NOL4: variants seen among roughly 807,000 people sequenced by gnomAD.
NOL4 encodes the protein nucleolar protein 4, also known as cancer/testis antigen 125.
NOL4 carries 17 observed loss-of-function variants against 75.9 expected under a neutral mutation model. The observed-to-expected ratio is 0.22, with a 90% confidence interval of 0.15 to 0.34. NOL4 has a LOEUF of 0.34. NOL4 is among the 10% of genes least tolerant of loss of function. The pLI, the probability that NOL4 is intolerant of heterozygous loss-of-function variation, is 1.00. For missense variants in NOL4, 614 were observed against 793.5 expected, an observed-to-expected ratio of 0.77 and a Z score of 2.72; for synonymous variants, 292 against 289.9, an observed-to-expected ratio of 1.01 and a Z score of -0.07.
intron 1 of NOL4, among the ~76,000 whole-genome samples, chr18:34,177,945 A>G (rs9952846): frequency 0.013 from 2,029 of 151,994 alleles, 53 homozygotes; most frequent in African/African-American, 0.047. Flanking sequence ...GGGTAACCAC[A>G]CAGATAAGTA....
intron 9 of NOL4, among the ~76,000 whole-genome samples, chr18:33,914,932 C>T (rs1437838158): frequency 6.6e-6 from 1 of 151,990 alleles, no homozygotes; most frequent in Non-Finnish European, 1.5e-5. Flanking sequence ...TGTGAGTCAT[C>T]ACATTACAGA....
chr18:33,967,443 T>C (rs1371359577), intron 6 of NOL4, among the ~76,000 whole-genome samples: 1 of 152,008 alleles, frequency 6.6e-6, no homozygotes, highest in Non-Finnish European at 1.5e-5. Context: ...CAAAAGCAAC[T>C]GCAACAAAAA....
intron 5 of NOL4, among the ~76,000 whole-genome samples, chr18:34,079,847 A>G (rs2077921159): frequency 6.6e-6 from 1 of 152,208 alleles, no homozygotes; most frequent in Admixed American, 6.5e-5. Flanking sequence ...AGTCAAAGTC[A>G]TGGTTTTAAA....
At chr18:34,079,053 C>T (rs929608288) in intron 5 of NOL4, among the ~76,000 whole-genome samples, 4 of 152,010 alleles carry the variant, frequency 2.6e-5, no homozygotes, top group Admixed American at 6.6e-5. Flanking sequence ...GGAAGGAAAC[C>T]GGGGCCAAAT....
At chr18:33,958,742 C>T (rs913988257) in intron 6 of NOL4, among the ~76,000 whole-genome samples, 4 of 152,086 alleles carry the variant, frequency 2.6e-5, no homozygotes, top group African/African-American at 9.7e-5. Context: ...AAAAAGCAAT[C>T]TGTAATCGAT....
chr18:34,141,136 G>A (rs1204316158), intron 1 of NOL4, among the ~76,000 whole-genome samples: 2 of 152,028 alleles, frequency 1.3e-5, no homozygotes, highest in Non-Finnish European at 2.9e-5. Context: ...GGGAAGTGAA[G>A]GACCTCTTCA....
intron 5 of NOL4, among the ~76,000 whole-genome samples, chr18:34,046,632 A>ATATATG (rs2076390684): frequency 2.2e-5 from 3 of 135,664 alleles, no homozygotes; most frequent in Non-Finnish European, 4.8e-5. Flanking sequence ...ATATATATAT[A>ATATATG]TATATGTATA....
chr18:33,877,118 A>G (rs2063973503), intron 10 of NOL4, among the ~76,000 whole-genome samples: 3 of 152,022 alleles, frequency 2.0e-5, no homozygotes, highest in Non-Finnish European at 2.9e-5. Context: ...TCTGCATGCC[A>G]TACTGATTAA....
intron 5 of NOL4, among the ~76,000 whole-genome samples, chr18:34,048,064 G>A (rs1231266093): frequency 6.6e-6 from 1 of 152,006 alleles, no homozygotes. Context: ...ATCACTTTTG[G>A]TGTTGAAGAA....
chr18:33,935,031 T>C (rs552895026), intron 9 of NOL4, among the ~76,000 whole-genome samples: 1 of 152,062 alleles, frequency 6.6e-6, no homozygotes, highest in East Asian at 1.9e-4. Context: ...GCTAATCTTT[T>C]AAAAAACATT....
intron 2 of NOL4, among the ~76,000 whole-genome samples, chr18:34,109,112 C>G (rs1228039858): frequency 6.6e-6 from 1 of 151,912 alleles, no homozygotes; most frequent in East Asian, 1.9e-4. Context: ...AACAGGAAAT[C>G]CAGAAATATC....
In NOL4 at chr18:34,223,426, G is replaced by C; in HGVS notation, c.-173C>G. 1 of 826,668 alleles carries C rather than the reference G, an allele frequency of 1.2e-6. No homozygotes were observed. The highest frequency in any genetic ancestry group is 2.7e-5 in the East Asian group (1 of 37,298). The allele number at this position is 826,668 out of a possible 1,614,324, so 51.2% of individuals were successfully genotyped here. ...GGGAAGAGGGGAGGAGGGTCCGGTT[G>C]GGCACCAGCAATCAATGCCCCGTGC... On this transcript the variant is annotated 5_prime_UTR_variant, in exon 1 of 11. Coordinates refer to ENST00000261592, the MANE Select transcript of NOL4 (RefSeq NM_003787.5).
intron 6 of NOL4, among the ~76,000 whole-genome samples, chr18:33,965,415 C>A (rs1191692672): frequency 6.6e-6 from 1 of 152,054 alleles, no homozygotes; most frequent in Non-Finnish European, 1.5e-5. Flanking sequence ...ATTGCTTGAG[C>A]CCACGAATCC....
At chr18:33,947,253 T>C (rs2068901263) in intron 8 of NOL4, among the ~76,000 whole-genome samples, 1 of 151,802 alleles carries the variant, frequency 6.6e-6, no homozygotes, top group Non-Finnish European at 1.5e-5. Flanking sequence ...CATCTCCTTC[T>C]GAACTCTCCT....
At chr18:33,999,229 T>C (rs952757779) in intron 6 of NOL4, among the ~76,000 whole-genome samples, 1 of 151,646 alleles carries the variant, frequency 6.6e-6, no homozygotes, top group Non-Finnish European at 1.5e-5. Flanking sequence ...CTGTGTGCTC[T>C]AACTCCTGGG....
At chr18:34,104,647 C>T (rs1029817084) in intron 3 of NOL4, among the ~76,000 whole-genome samples, 1 of 151,796 alleles carries the variant, frequency 6.6e-6, no homozygotes, top group African/African-American at 2.4e-5. Flanking sequence ...AGAGCTAAAT[C>T]CAAATCATAA....
intron 1 of NOL4, among the ~76,000 whole-genome samples, chr18:34,158,925 C>A (rs1274408507): frequency 6.6e-6 from 1 of 152,108 alleles, no homozygotes; most frequent in Non-Finnish European, 1.5e-5. Context: ...GAATGGAAAG[C>A]CAAATAAAGG....
chr18:34,147,512 T>G (rs2081453786), intron 1 of NOL4, among the ~76,000 whole-genome samples: 1 of 152,164 alleles, frequency 6.6e-6, no homozygotes, highest in Non-Finnish European at 1.5e-5. Flanking sequence ...ATGTGATGGA[T>G]TACGTTTATT....
At chr18:33,863,060 G>A (rs556408590) in intron 10 of NOL4, among the ~76,000 whole-genome samples, 1 of 152,286 alleles carries the variant, frequency 6.6e-6, no homozygotes, top group Non-Finnish European at 1.5e-5. Flanking sequence ...AGAAAATGTG[G>A]CACATATACA....
Sources: allele counts gnomAD v4.1 joint callset (sites outside exome capture counted in the v4.1 genomes callset), GRCh38; gene constraint gnomAD v4.1.1; transcripts MANE v1.5; gene names NCBI Gene and HGNC (gene_info 2026-07-23, HGNC 2026-07-21).